The following AUTS2 variants were observed in gnomAD, a reference collection of about 807,000 sequenced individuals.
AUTS2 encodes activator of transcription and developmental regulator AUTS2.
Under a neutral mutation model 112.4 loss-of-function variants are expected in AUTS2, and 17 were observed. The observed-to-expected ratio is 0.15, with a 90% CI of 0.10 to 0.23. The LOEUF (loss-of-function observed/expected upper bound fraction) is 0.23, where lower values mean the gene tolerates loss of function less well. AUTS2 is among the 10% of genes least tolerant of loss of function. The pLI is 1.00. For synonymous variants in AUTS2, 751 were observed against 702.7 expected (o/e 1.07, Z -1.09); for missense variants, 1,510 against 1,701.6 (o/e 0.89, Z 1.98).
At chr7:70,666,696 C>G (rs1807367792) in intron 5 of AUTS2, among the ~76,000 whole-genome samples, 2 of 152,038 alleles carry the variant, frequency 1.3e-5, no homozygotes, top group African/African-American at 4.8e-5. Context: ...TCTGTGCACC[C>G]CCAAGGACAC....
intron 4 of AUTS2, among the ~76,000 whole-genome samples, chr7:70,252,668 A>G (rs1786663278): frequency 6.6e-6 from 1 of 152,058 alleles, no homozygotes; most frequent in Non-Finnish European, 1.5e-5. Flanking sequence ...TCCTAGACCA[A>G]TGTTGTGGAA....
intron 1 of AUTS2, among the ~76,000 whole-genome samples, chr7:69,708,389 A>T (rs1798161509): frequency 6.6e-6 from 1 of 152,202 alleles, no homozygotes; most frequent in Non-Finnish European, 1.5e-5. Context: ...TAGCATTCTG[A>T]TGGTGGGATT....
chr7:70,273,653 A>G (rs191220083), intron 4 of AUTS2, among the ~76,000 whole-genome samples: 2 of 152,234 alleles, frequency 1.3e-5, no homozygotes, highest in African/African-American at 2.4e-5. Flanking sequence ...CCCTTGGTAT[A>G]CTGAGGGAAT....
chr7:69,870,495 CAGACAT>C (rs1793446049), intron 1 of AUTS2, among the ~76,000 whole-genome samples: 1 of 68,892 alleles, frequency 1.5e-5, no homozygotes. Flanking sequence ...GACATACACA[CAGACAT>C]ATGTAAGTAC....
At chr7:70,206,801 T>C (rs1214016776) in intron 4 of AUTS2, among the ~76,000 whole-genome samples, 2 of 152,240 alleles carry the variant, frequency 1.3e-5, no homozygotes, top group African/African-American at 4.8e-5. Context: ...CTTGGGTAAA[T>C]ACTCATTGGA....
chr7:70,620,100 C>G, intron 5 of AUTS2, among the ~76,000 whole-genome samples: 1 of 152,120 alleles, frequency 6.6e-6, no homozygotes, highest in East Asian at 1.9e-4. Flanking sequence ...CCTGGGAGTG[C>G]TGCGGGCAGA....
At chr7:70,729,485 T>A (rs1007728796) in intron 6 of AUTS2, among the ~76,000 whole-genome samples, 1 of 152,210 alleles carries the variant, frequency 6.6e-6, no homozygotes, top group African/African-American at 2.4e-5. Flanking sequence ...TTAGAGAACT[T>A]CACATTCAAC....
intron 4 of AUTS2, among the ~76,000 whole-genome samples, chr7:70,150,512 A>G (rs910864733): frequency 6.6e-6 from 1 of 152,188 alleles, no homozygotes; most frequent in African/African-American, 2.4e-5. Flanking sequence ...TGAGCTCAAA[A>G]CAGACACATA....
intron 4 of AUTS2, among the ~76,000 whole-genome samples, chr7:70,150,664 C>G (rs1201302747): frequency 4.6e-5 from 7 of 152,118 alleles, no homozygotes; most frequent in Admixed American, 4.6e-4. Flanking sequence ...CATTTTCATT[C>G]TCATTGATAA....
At chr7:70,066,833 C>T (rs1352278914) in intron 2 of AUTS2, among the ~76,000 whole-genome samples, 3 of 152,320 alleles carry the variant, frequency 2.0e-5, no homozygotes, top group Non-Finnish European at 4.4e-5. Flanking sequence ...AGCCGCCACT[C>T]CTGGCCCCCA....
chr7:70,042,687 A>G (rs1292679413), intron 2 of AUTS2, among the ~76,000 whole-genome samples: 1 of 152,088 alleles, frequency 6.6e-6, no homozygotes, highest in Non-Finnish European at 1.5e-5. Flanking sequence ...TTTCTTCGGG[A>G]GAATCTGTTT....
At chr7:70,740,060 G>T (rs562542884) in intron 6 of AUTS2, among the ~76,000 whole-genome samples, 24 of 152,114 alleles carry the variant, frequency 1.6e-4, no homozygotes, top group Non-Finnish European at 2.9e-4. Flanking sequence ...TTAAAAGGAG[G>T]TGTGCAGAAC....
intron 4 of AUTS2, among the ~76,000 whole-genome samples, chr7:70,192,491 T>C (rs1281063514): frequency 6.6e-6 from 1 of 152,228 alleles, no homozygotes; most frequent in Admixed American, 6.5e-5. Context: ...AGTAAGTAGT[T>C]TGCTAATTGC....
intron 2 of AUTS2, among the ~76,000 whole-genome samples, chr7:69,949,258 A>G (rs1032160256): frequency 1.3e-5 from 2 of 152,214 alleles, no homozygotes; most frequent in Non-Finnish European, 2.9e-5. Context: ...ACAAATGGAA[A>G]ATGCCTGCAA....
intron 1 of AUTS2, among the ~76,000 whole-genome samples, chr7:69,862,550 C>T (rs966970097): frequency 3.3e-5 from 5 of 151,876 alleles, no homozygotes; most frequent in African/African-American, 9.7e-5. Context: ...ATCTCTTTTG[C>T]TTTTTTTTAG....
intron 5 of AUTS2, among the ~76,000 whole-genome samples, chr7:70,464,382 C>A (rs1336322370): frequency 2.0e-5 from 3 of 152,198 alleles, no homozygotes; most frequent in Admixed American, 2.0e-4. Flanking sequence ...GTGTGATAAA[C>A]CGTGGCATTT....
intron 1 of AUTS2, among the ~76,000 whole-genome samples, chr7:69,733,077 C>G (rs585282): frequency 6.6e-6 from 1 of 151,982 alleles, no homozygotes; most frequent in African/African-American, 2.4e-5. Context: ...TCATCTAGTC[C>G]GTTCCATTAA....
Position 70,784,957 on chromosome 7 carries a change from C to G in AUTS2, c.2162C>G (p.Thr721Ser). ...LFSAAGAAHP[T>S]GTPFGPPPHH... ...GACTTAACAGGTGCTGCACACCCAA[C>G]TGGGACCCCTTTTGGGCCACCTCCT... Residue 721 changes from threonine to serine, a missense_variant, in exon 16 of 19, where the codon ACT becomes AGT. By Grantham distance (58) the Thr-to-Ser change is moderately conservative. Coordinates refer to ENST00000342771, the MANE Select transcript of AUTS2 (RefSeq NM_015570.4). 1.2e-6 allele frequency: 2 copies of G among 1,614,144 alleles called. No individual in the cohort carries two copies. The highest frequency in any genetic ancestry group is 2.2e-5 in the East Asian group (1 of 44,860).
At chr7:70,159,860 T>C (rs1441438336) in intron 4 of AUTS2, among the ~76,000 whole-genome samples, 1 of 152,202 alleles carries the variant, frequency 6.6e-6, no homozygotes, top group Non-Finnish European at 1.5e-5. Context: ...CTTATTATAG[T>C]TAGATATAAC....
Sources: gnomAD v4.1 joint callset for allele counts (sites outside exome capture counted in the v4.1 genomes callset) on GRCh38, gnomAD v4.1.1 for gene constraint, MANE v1.5 for transcripts, NCBI Gene and HGNC (gene_info 2026-07-23, HGNC 2026-07-21) for gene names.